MEMO1: variants seen among roughly 807,000 people sequenced by gnomAD.
MEMO1 encodes mediator of cell motility 1, also known as protein MEMO1.
A neutral mutation model predicts 45.2 loss-of-function variants in MEMO1; 6 were observed. The ratio of observed to expected loss-of-function variants is 0.13; its 90% CI spans 0.07 to 0.26. The LOEUF is 0.26. Ranked by LOEUF, MEMO1 falls within the 10% of genes least tolerant of loss-of-function variation. The probability of loss-of-function intolerance (pLI) is 1.00; values close to 1 mark genes in which losing one functional copy is unlikely to be tolerated. For missense variants in MEMO1, 184 were observed against 370.5 expected (o/e 0.50, Z 4.13); for synonymous variants, 78 against 124.3 (o/e 0.63, Z 2.48).
At chr2:31,920,605 TA>T (rs1682180409) in intron 5 of MEMO1, among the ~76,000 whole-genome samples, 192 bp downstream of exon 5, 1 of 152,152 alleles carries the variant, frequency 6.6e-6, no homozygotes, top group African/African-American at 2.4e-5. Context: ...TGTAGCTAGC[TA>T]AAAAACACTA....
At chr2:31,993,137 C>T (rs1426378900) in intron 2 of MEMO1, among the ~76,000 whole-genome samples, 1 of 152,094 alleles carries the variant, frequency 6.6e-6, no homozygotes, top group Non-Finnish European at 1.5e-5. Context: ...TGTGCCACCG[C>T]ATTCCAGCCT....
At chr2:31,999,930 C>T (rs1673073963) in intron 2 of MEMO1, among the ~76,000 whole-genome samples, 1 of 146,538 alleles carries the variant, frequency 6.8e-6, no homozygotes, top group African/African-American at 2.5e-5. Flanking sequence ...GTCGCCCAGG[C>T]TGGAGCGTAG....
chr2:31,920,736 T>C, intron 5 of MEMO1, 62 bp downstream of exon 5: 1 of 937,786 alleles, frequency 1.1e-6, no homozygotes, highest in African/African-American at 1.7e-5. Context: ...TTTAAATTAA[T>C]TTACAAGTCC....
intron 2 of MEMO1, among the ~76,000 whole-genome samples, chr2:31,956,237 A>C (rs550253864): frequency 6.6e-6 from 1 of 152,338 alleles, no homozygotes; most frequent in African/African-American, 2.4e-5. Flanking sequence ...CCTAAAACAA[A>C]AACATAATCT....
intron 7 of MEMO1, among the ~76,000 whole-genome samples, chr2:31,887,790 T>C (rs1014069938): frequency 2.6e-5 from 4 of 152,134 alleles, no homozygotes; most frequent in African/African-American, 9.6e-5. Context: ...TAAGGTACAT[T>C]TTAAGAATTA....
chr2:31,943,609 C>T (rs997762696), intron 2 of MEMO1, among the ~76,000 whole-genome samples: 15 of 152,120 alleles, frequency 9.9e-5, no homozygotes, highest in African/African-American at 3.4e-4. Context: ...TATCGATTTA[C>T]TTATTTACAG....
At chr2:31,877,343 G>A (rs570700788) in intron 8 of MEMO1, among the ~76,000 whole-genome samples, 3 of 152,260 alleles carry the variant, frequency 2.0e-5, no homozygotes, top group Admixed American at 6.5e-5. Flanking sequence ...AATGATGCAC[G>A]CTTTTTGGCT....
chr2:31,923,849 C>A, intron 4 of MEMO1: 1 of 1,240,054 alleles, frequency 8.1e-7, no homozygotes, highest in Non-Finnish European at 1.1e-6. Context: ...AAAAGATACA[C>A]TGCTCCAGAA....
intron 6 of MEMO1, among the ~76,000 whole-genome samples, chr2:31,917,315 A>AT (rs973282574): frequency 6.6e-6 from 1 of 152,172 alleles, no homozygotes; most frequent in African/African-American, 2.4e-5. Flanking sequence ...CCTTGAAATA[A>AT]TTTTTTTATT....
intron 2 of MEMO1, among the ~76,000 whole-genome samples, chr2:32,000,783 A>G (rs944322114): frequency 6.8e-6 from 1 of 147,282 alleles, no homozygotes; most frequent in Non-Finnish European, 1.5e-5. Flanking sequence ...TATCTAGCAT[A>G]CCACATATTT....
At chr2:31,982,588 CA>C (rs60208602) in intron 2 of MEMO1, among the ~76,000 whole-genome samples, 15,490 of 70,058 alleles carry the variant, frequency 0.22, 826 homozygotes, top group Middle Eastern at 0.35. Context: ...GACTCCGTCT[CA>C]AAAAAAAAAA....
At chr2:31,899,627 A>G (rs1678462591) in intron 6 of MEMO1, among the ~76,000 whole-genome samples, 3 of 152,252 alleles carry the variant, frequency 2.0e-5, no homozygotes, top group Admixed American at 2.0e-4. Flanking sequence ...TGCATGGGCA[A>G]AGTCTTCATG....
At chr2:31,949,656 A>AC (rs1470263209) in intron 2 of MEMO1, among the ~76,000 whole-genome samples, 1 of 151,348 alleles carries the variant, frequency 6.6e-6, no homozygotes, top group African/African-American at 2.4e-5. Context: ...AAAAAAAAAA[A>AC]AAAAAACCAG....
At chr2:31,878,570 T>G (rs1200765192) in intron 8 of MEMO1, among the ~76,000 whole-genome samples, 2 of 152,162 alleles carry the variant, frequency 1.3e-5, no homozygotes, top group African/African-American at 4.8e-5. Flanking sequence ...GGAATATGTT[T>G]AGTATGAGCT....
intron 6 of MEMO1, among the ~76,000 whole-genome samples, chr2:31,895,676 T>C (rs571640633): frequency 4.6e-5 from 7 of 152,042 alleles, no homozygotes; most frequent in Admixed American, 4.6e-4. Context: ...ACAGTAAAAA[T>C]ATTACAAGAA....
intron 2 of MEMO1, among the ~76,000 whole-genome samples, chr2:31,955,904 G>A (rs935043935): frequency 6.6e-6 from 1 of 152,074 alleles, no homozygotes; most frequent in African/African-American, 2.4e-5. Context: ...CACCATGCTC[G>A]GCCATCCACG....
At chr2:32,006,037 G>C (rs543346354) in intron 2 of MEMO1, among the ~76,000 whole-genome samples, 1 of 152,316 alleles carries the variant, frequency 6.6e-6, no homozygotes, top group East Asian at 1.9e-4. Flanking sequence ...GAAACAGCAT[G>C]ATGTATTTAA....
chr2:31,869,430 T>G lies in MEMO1; in HGVS notation c.762+418A>C, dbSNP rs74937459. ...GTTTTAATGAGAAAAACACACATCA[T>G]CTGTCTTGCTTTATTACATTATGAA... On this transcript the variant is annotated intron_variant, in intron 9 of 9. Coordinates refer to ENST00000404530, the MANE Select transcript of MEMO1 (RefSeq NM_001301833.4). Among the ~76,000 whole-genome samples, 262 of 152,252 alleles carry G rather than the reference T, an allele frequency of 1.7e-3. 7 individuals are homozygous for G. The East Asian group carries it at 0.045, about 26-fold the overall frequency.
chr2:31,969,626 TGTG>T (rs1558542202), intron 2 of MEMO1, among the ~76,000 whole-genome samples: 2 of 148,916 alleles, frequency 1.3e-5, no homozygotes. Context: ...TGTGTGTGTG[TGTG>T]TGTGTTTAAG....
Sources: gnomAD v4.1 joint callset for allele counts (sites outside exome capture counted in the v4.1 genomes callset) on GRCh38, gnomAD v4.1.1 for gene constraint, MANE v1.5 for transcripts, NCBI Gene and HGNC (gene_info 2026-07-23, HGNC 2026-07-21) for gene names.